ACSL5: variants seen among roughly 807,000 people sequenced by gnomAD.
ACSL5 encodes the protein acyl-CoA synthetase long chain family member 5.
Under a neutral mutation model 84.9 loss-of-function variants are expected in ACSL5, and 50 were observed. The observed-to-expected ratio is 0.59, with a 90% confidence interval of 0.47 to 0.75. ACSL5 has a LOEUF of 0.75. Ranked by LOEUF, ACSL5 falls within the 30% of genes least tolerant of loss-of-function variation. The pLI is 0.00. For synonymous variants in ACSL5, 280 were observed against 300.7 expected (o/e 0.93, Z 0.71); for missense variants, 775 against 830.4 (o/e 0.93, Z 0.82).
chr10:112,410,555 G>C (rs768346639), intron 8 of ACSL5, 29 bp from the exon 9 acceptor site: 1 of 1,614,118 alleles, frequency 6.2e-7, no homozygotes, highest in African/African-American at 1.3e-5. Context: ...AGTTCATGGT[G>C]GAATAAGCCC....
chr10:112,386,491 G>A (rs1001494163), intron 1 of ACSL5, among the ~76,000 whole-genome samples: 2 of 151,932 alleles, frequency 1.3e-5, no homozygotes, highest in Admixed American at 6.6e-5. Context: ...ACTGTGTCTG[G>A]CCAGAAAACT....
chr10:112,402,773 T>G (rs1010532877), intron 3 of ACSL5, among the ~76,000 whole-genome samples: 2 of 152,192 alleles, frequency 1.3e-5, no homozygotes, highest in Non-Finnish European at 2.9e-5. Flanking sequence ...TGGCAAGACC[T>G]GAATTCCTCT....
chr10:112,387,460 TG>T (rs1849475738), intron 1 of ACSL5, among the ~76,000 whole-genome samples: 1 of 152,188 alleles, frequency 6.6e-6, no homozygotes, highest in Non-Finnish European at 1.5e-5. Context: ...CTTTTGGGTT[TG>T]TCTAGAAATA....
chr10:112,388,982 A>C (rs1436295588), intron 1 of ACSL5, among the ~76,000 whole-genome samples: 1 of 152,224 alleles, frequency 6.6e-6, no homozygotes, highest in Non-Finnish European at 1.5e-5. Flanking sequence ...ATCTTTTAAA[A>C]GATAGAGACT....
At chr10:112,397,105 C>T (rs1843763604) in intron 2 of ACSL5, among the ~76,000 whole-genome samples, 1 of 152,134 alleles carries the variant, frequency 6.6e-6, no homozygotes, top group South Asian at 2.1e-4. Flanking sequence ...CAGGGTCCAT[C>T]CCAGGGCCCT....
chr10:112,391,190 C>G (rs1252345456), intron 1 of ACSL5, among the ~76,000 whole-genome samples: 1 of 152,030 alleles, frequency 6.6e-6, no homozygotes, highest in Non-Finnish European at 1.5e-5. Context: ...ACCAGCCTGG[C>G]CAACATGGTG....
intron 12 of ACSL5, among the ~76,000 whole-genome samples, chr10:112,414,509 C>T (rs1299794057): frequency 6.6e-6 from 1 of 151,962 alleles, no homozygotes; most frequent in Admixed American, 6.6e-5. Flanking sequence ...CGTGCACTAC[C>T]ACACCCAGCT....
intron 7 of ACSL5, 80 bp downstream of exon 7, chr10:112,409,765 A>G (rs1844137454): frequency 6.9e-7 from 1 of 1,440,504 alleles, no homozygotes. Context: ...TCCCAAGAGG[A>G]CAGTGTTCTT....
chr10:112,413,987 A>G (rs889111434), intron 12 of ACSL5, among the ~76,000 whole-genome samples: 2 of 152,126 alleles, frequency 1.3e-5, no homozygotes, highest in Non-Finnish European at 2.9e-5. Context: ...CTAACTTATG[A>G]TGAGGAAAAT....
At chr10:112,406,405 A>T (rs909188175) in intron 5 of ACSL5, 2 of 152,138 alleles carry the variant, frequency 1.3e-5, no homozygotes, top group African/African-American at 4.8e-5. Flanking sequence ...AACCTTAATT[A>T]CTTATTTAAA....
At chr10:112,414,440 C>T (rs2133641029) in intron 12 of ACSL5, among the ~76,000 whole-genome samples, 1 of 150,902 alleles carries the variant, frequency 6.6e-6, no homozygotes, top group Middle Eastern at 3.4e-3. Flanking sequence ...ACTGCAACCT[C>T]CGCCTCCTGG....
rs114532382 is a variant in ACSL5, at chr10:112,401,761, T to C, written c.266-2750T>C. ...TTCCTTCCTGGAACTCTCTCTCTCC[T>C]TTCTTTCTTTCTTTTTCTTTCTTTC... On this transcript the variant is annotated intron_variant, in intron 3 of 20. Transcript: ENST00000354655. Among the ~76,000 whole-genome samples, 353 of 152,220 alleles carry C rather than the reference T, an allele frequency of 2.3e-3. 2 individuals carry two copies. The highest frequency in any genetic ancestry group is 8.2e-3 in the African/African-American group (342 of 41,526).
intron 13 of ACSL5, 46 bp downstream of exon 13, chr10:112,417,068 G>A (rs1844331435): frequency 6.3e-7 from 1 of 1,598,220 alleles, no homozygotes; most frequent in South Asian, 1.1e-5. Context: ...TACCTGGGCT[G>A]CCTTCTGACT....
intron 1 of ACSL5, chr10:112,376,285 C>T (rs779192465): frequency 1.4e-5 from 23 of 1,613,824 alleles, no homozygotes; most frequent in Non-Finnish European, 1.8e-5. Flanking sequence ...GAACTGGGGA[C>T]ACTCTGGGCC....
intron 9 of ACSL5, 179 bp from the exon 10 acceptor site, chr10:112,411,277 A>C: frequency 6.7e-6 from 4 of 597,020 alleles, no homozygotes; most frequent in South Asian, 6.1e-5. Context: ...CAGCAGTAGA[A>C]TCTCCGGGGG....
intron 3 of ACSL5, among the ~76,000 whole-genome samples, chr10:112,401,843 C>CTTTCTTTCTTTCTTT (rs1564736549): frequency 5.0e-5 from 3 of 59,870 alleles, no homozygotes; most frequent in Admixed American, 3.7e-4. Context: ...TTTCTTTCTT[C>CTTTCTTTCTTTCTTT]CTTCCTTCCT....
rs1293681493 is a variant in ACSL5 at position 112,413,179 on chromosome 10, G to A, written c.955G>A (p.Val319Met). The change falls in exon 12 of 21, where the codon GTG becomes ATG. Residue 319 changes from valine (V) to methionine (M), a missense_variant. Physicochemically the swap from Val to Met is conservative, Grantham distance 21. Transcript: ENST00000354655. ...HMFERIVQAV[V>M]YSCGARVGFF... Reference sequence around the variant, plus strand: ...AATTTGGTTTTGTTTTCAGGCTGTTGTGTACAGCTGTGGAGCCAGAGTTGG... The same window carrying A: ...AATTTGGTTTTGTTTTCAGGCTGTTATGTACAGCTGTGGAGCCAGAGTTGG... 2 of 1,613,958 alleles carry A rather than the reference G, an allele frequency of 1.2e-6. No homozygotes were observed. The highest frequency in any genetic ancestry group is 1.3e-5 in the African/African-American group (1 of 74,922).
intron 15 of ACSL5, 29 bp from the exon 16 acceptor site, chr10:112,421,918 C>G (rs1276730930): frequency 1.2e-5 from 19 of 1,602,576 alleles, no homozygotes; most frequent in Non-Finnish European, 1.4e-5. Flanking sequence ...GCAAGAGTTT[C>G]TCAGCTAATT....
Position 112,422,029 on chromosome 10 carries a change from A to T in ACSL5, c.1470A>T (p.Glu490Asp). The T allele has an allele frequency of 6.2e-7, 1 of 1,614,196 alleles. No homozygotes were observed. Among genetic ancestry groups the T allele is most frequent in the Non-Finnish European group, 8.5e-7 (1 of 1,180,024 alleles). ...ADMNYFTVNN[E>D]GEVCIKGTNV... ...TGAACTACTTTACAGTGAATAATGA[A>T]GGAGAGGTGGGTAGGTCATGCCCTG... The change falls in exon 16 of 21, where the codon GAA becomes GAT. Residue 490 changes from glutamate to aspartate, a missense_variant. Coordinates refer to ENST00000354655, the MANE Select transcript of ACSL5 (RefSeq NM_203379.2).
Sources: gnomAD v4.1 joint callset for allele counts (sites outside exome capture counted in the v4.1 genomes callset) on GRCh38, gnomAD v4.1.1 for gene constraint, MANE v1.5 for transcripts, NCBI Gene and HGNC (gene_info 2026-07-23, HGNC 2026-07-21) for gene names.